The following TCF3 variants were observed in gnomAD, a reference collection of about 807,000 sequenced individuals.
TCF3 encodes the protein transcription factor 3.
A neutral mutation model predicts 72.3 loss-of-function variants in TCF3; 54 were observed. That is an observed-to-expected ratio of 0.75 (90% CI 0.60 to 0.94). The LOEUF (loss-of-function observed/expected upper bound fraction) is 0.94. Among genes scored for constraint, TCF3 ranks in the 40% least tolerant of loss-of-function variants. The pLI is 0.00. For missense variants in TCF3, 1,078 were observed against 934.4 expected (o/e 1.15, Z -2.00); for synonymous variants, 525 against 412.6 (o/e 1.27, Z -3.30).
chr19:1,636,223 G>A (rs759856090), intron 3 of TCF3, among the ~76,000 whole-genome samples: 16 of 152,050 alleles, frequency 1.1e-4, no homozygotes, highest in Non-Finnish European at 2.2e-4. Context: ...GCAGTGGTGC[G>A]ATCTTGGCTC....
At chr19:1,617,356 A>C (rs2061656287) in intron 16 of TCF3, among the ~76,000 whole-genome samples, 1 of 152,224 alleles carries the variant, frequency 6.6e-6, no homozygotes, top group African/African-American at 2.4e-5. Context: ...CACACACAAC[A>C]TAAGCCAGCA....
chr19:1,611,549 C>A lies in TCF3; in HGVS notation c.*158G>T. On this transcript the variant is annotated 3_prime_UTR_variant, in exon 19 of 19. Transcript: ENST00000262965. ...CCTGGACCCAGTGTCACCTTGGCCG[C>A]CCCCATCACTCCGAACCTTGTCAGG... 9.3e-7 allele frequency: 1 copy of A among 1,072,680 alleles called. No homozygotes were observed. Among genetic ancestry groups the A allele is most frequent in the Non-Finnish European group, 1.3e-6 (1 of 775,894 alleles). The allele number at this position is 1,072,680 out of a possible 1,614,324, so 66.4% of individuals were successfully genotyped here.
At chr19:1,646,528 G>A (rs1600137281) in intron 2 of TCF3, 101 bp from the exon 3 acceptor site, 1 of 1,097,298 alleles carries the variant, frequency 9.1e-7, no homozygotes, top group Non-Finnish European at 1.3e-6. Flanking sequence ...GGGACACCCG[G>A]GAACCTGAGA....
intron 5 of TCF3, among the ~76,000 whole-genome samples, chr19:1,629,607 C>T (rs1048809146): frequency 1.3e-5 from 2 of 152,028 alleles, no homozygotes; most frequent in Admixed American, 6.5e-5. Flanking sequence ...GTGTGGAGGG[C>T]CTGGGGCTGA....
chr19:1,635,251 C>G (rs955722999), intron 3 of TCF3, among the ~76,000 whole-genome samples: 2 of 152,198 alleles, frequency 1.3e-5, no homozygotes, highest in Non-Finnish European at 2.9e-5. Flanking sequence ...GTCCTCCTCA[C>G]CTTCCCTCCT....
rs117209449 is a variant in TCF3 at position 1,612,579 on chromosome 19, A to T, written c.1823-730T>A. The T allele has an allele frequency of 5.6e-4, 417 of 745,202 alleles. 2 individuals are homozygous for T. The East Asian group carries it at 0.01, about 18-fold the overall frequency. 46.2% of individuals were successfully genotyped at this position (745,202 alleles called of 1,614,324 possible). ...GTACACGGCTGGTGTTGGTGGGCACAGCAGTGTGGGCAGCAGTGCAGGTAC... is the reference window on the plus strand; with the variant it reads ...GTACACGGCTGGTGTTGGTGGGCACTGCAGTGTGGGCAGCAGTGCAGGTAC... On this transcript the variant is annotated intron_variant, in intron 18 of 18. Coordinates refer to ENST00000262965, the MANE Select transcript of TCF3 (RefSeq NM_003200.5).
chr19:1,646,932 C>T (rs537738063), intron 2 of TCF3, among the ~76,000 whole-genome samples: 2 of 152,338 alleles, frequency 1.3e-5, no homozygotes, highest in African/African-American at 4.8e-5. Context: ...ATGGCAGGCC[C>T]TGGAGCAGGG....
At chr19:1,632,576 C>G (rs991495846) in intron 3 of TCF3, among the ~76,000 whole-genome samples, 171 bp from the exon 4 acceptor site, 1 of 152,164 alleles carries the variant, frequency 6.6e-6, no homozygotes, top group Non-Finnish European at 1.5e-5. Flanking sequence ...GCAGCTAACA[C>G]CCAGACACCC....
At position 1,610,937 on chromosome 19, in the gene TCF3, G is replaced by C. The variant is rs1482763929; in HGVS notation, c.*770C>G. On this transcript the variant is annotated 3_prime_UTR_variant, in exon 19 of 19. Coordinates refer to ENST00000262965, the MANE Select transcript of TCF3 (RefSeq NM_003200.5). ...TGCAGTGGCTTCCGGGGGGGGGGGG[G>C]GACGGGGGGGCTCAGGTTTACACGG... 1.8e-5 allele frequency: 3 copies of C among 168,338 alleles called. 1 individual carries two copies. The highest frequency in any genetic ancestry group is 3.7e-5 in the Non-Finnish European group (3 of 80,318). The allele number at this position is 168,338 out of a possible 1,614,324, so 10.4% of individuals were successfully genotyped here.
chr19:1,617,777 C>T (rs545097778), intron 16 of TCF3, among the ~76,000 whole-genome samples: 16 of 152,316 alleles, frequency 1.1e-4, no homozygotes, highest in Middle Eastern at 6.8e-3. Context: ...CCTGTGGGTC[C>T]GGACCCTTCT....
intron 2 of TCF3, 71 bp from the exon 3 acceptor site, chr19:1,646,498 C>A (rs1348546553): frequency 9.8e-6 from 14 of 1,426,756 alleles, no homozygotes; most frequent in Non-Finnish European, 3.8e-6. Flanking sequence ...GGGTTCAAAC[C>A]CAAGCTGGGA....
At chr19:1,650,459 G>T (rs960779503) in intron 1 of TCF3, 172 bp from the exon 2 acceptor site, 1 of 577,122 alleles carries the variant, frequency 1.7e-6, no homozygotes, top group East Asian at 2.9e-5. Context: ...CAGGCGCAGG[G>T]AAGCTGGAAT....
In TCF3 at chr19:1,619,126, G is replaced by A. The variant is rs375278992; in HGVS notation, c.1435C>T (p.Pro479Ser). 40 of 1,599,572 alleles carry A rather than the reference G, an allele frequency of 2.5e-5. No individual in the cohort carries two copies. Among genetic ancestry groups the A allele is most frequent in the Non-Finnish European group, 3.3e-5 (39 of 1,179,750 alleles). Residue 479 changes from proline to serine, a missense_variant, in exon 16 of 19, where the codon CCC (proline) becomes TCC (serine). Coordinates refer to ENST00000262965, the MANE Select transcript of TCF3 (RefSeq NM_003200.5). ...AAGGGCTTACCACTGTAGGAGTCGG[G>A]AGGCCGAGACAGGTCAGGGAGGGTG... ...PGTLPDLSRP[P>S]DSYSGLGRAG...
At chr19:1,637,978 GA>G (rs1198993530) in intron 3 of TCF3, among the ~76,000 whole-genome samples, 2 of 152,190 alleles carry the variant, frequency 1.3e-5, no homozygotes, top group African/African-American at 2.4e-5. Context: ...TGAAGTTCAA[GA>G]AGTTCAATGA....
At chr19:1,638,324 A>G (rs752681407) in intron 3 of TCF3, among the ~76,000 whole-genome samples, 8 of 152,260 alleles carry the variant, frequency 5.3e-5, no homozygotes, top group Non-Finnish European at 1.0e-4. Context: ...GTTTCCTAGT[A>G]AGATGCAAAT....
intron 13 of TCF3, among the ~76,000 whole-genome samples, chr19:1,620,682 A>G (rs1034985959): frequency 1.1e-4 from 17 of 152,094 alleles, no homozygotes; most frequent in Admixed American, 1.1e-3. Flanking sequence ...TATGTGCTAT[A>G]GCCTTGGAGG....
At chr19:1,646,504 T>C in intron 2 of TCF3, 77 bp from the exon 3 acceptor site, 1 of 1,383,246 alleles carries the variant, frequency 7.2e-7, no homozygotes, top group South Asian at 1.3e-5. Context: ...AAACCCAAGC[T>C]GGGAGCAGAG....
Position 1,619,418 on chromosome 19 carries a change from G to A in TCF3, c.1224C>T (p.Ala408=), listed in dbSNP as rs35052765. 27 of 1,592,244 alleles carry A rather than the reference G, an allele frequency of 1.7e-5. No individual in the cohort carries two copies. The highest frequency in any genetic ancestry group is 4.0e-5 in the African/African-American group (3 of 74,758). Residue 408 remains alanine (A), a synonymous_variant, in exon 15 of 19, where the codon GCC becomes GCT. Coordinates refer to ENST00000262965, the MANE Select transcript of TCF3 (RefSeq NM_003200.5). ...DEAIHVLRSH[A]VGTAGDMHTL... ...TGTGCATGTCGCCGGCTGTGCCCAC[G>A]GCGTGGCTGCGGAGCACGTGGATGG...
Position 1,619,355 on chromosome 19 carries a change from G to A in TCF3, c.1287C>T (p.Phe429=), listed in dbSNP as rs924493975. ...GCCCGCCCAGTGACATGGGGCCGGTGAAACCTGAGGCCAGCGCCCCGTGGC... is the reference window on the plus strand; with the variant it reads ...GCCCGCCCAGTGACATGGGGCCGGTAAAACCTGAGGCCAGCGCCCCGTGGC... ...LPGHGALASG[F]TGPMSLGGRH... The change falls in exon 15 of 19, where the codon TTC becomes TTT. Residue 429 remains phenylalanine (F), a synonymous_variant. Transcript: ENST00000262965. The A allele has an allele frequency of 2.3e-5, 37 of 1,585,686 alleles. No individual in the cohort carries two copies. The highest frequency in any genetic ancestry group is 2.0e-4 in the Middle Eastern group (1 of 4,960).
Sources: gnomAD v4.1 joint callset for allele counts (sites outside exome capture counted in the v4.1 genomes callset) on GRCh38, gnomAD v4.1.1 for gene constraint, MANE v1.5 for transcripts, NCBI Gene and HGNC (gene_info 2026-07-23, HGNC 2026-07-21) for gene names.